The following CNTNAP4 variants were observed in gnomAD, a reference collection of about 807,000 sequenced individuals.
CNTNAP4 encodes contactin-associated protein-like 4.
In CNTNAP4, 98 loss-of-function variants were observed where a neutral mutation model predicts 148.4. That is an observed-to-expected ratio of 0.66 (90% CI 0.56 to 0.78). The LOEUF is 0.78. Ranked by LOEUF, CNTNAP4 falls within the 30% of genes least tolerant of loss-of-function variation. The pLI, the probability that CNTNAP4 is intolerant of heterozygous loss-of-function variation, is 0.00. For synonymous variants in CNTNAP4, 730 were observed against 565.1 expected (o/e 1.29, Z -4.14); for missense variants, 1,935 against 1,565.6 (o/e 1.24, Z -3.98).
intron 11 of CNTNAP4, among the ~76,000 whole-genome samples, chr16:76,477,611 G>A (rs756880616): frequency 6.6e-6 from 1 of 152,158 alleles, no homozygotes; most frequent in Non-Finnish European, 1.5e-5. Context: ...TTCTGGGCAT[G>A]AATTGTGTAT....
intron 9 of CNTNAP4, 40 bp from the exon 10 acceptor site, chr16:76,467,312 T>G (rs759902852): frequency 6.4e-7 from 1 of 1,569,596 alleles, no homozygotes; most frequent in East Asian, 2.2e-5. Flanking sequence ...TGAATTCTGA[T>G]TCATTGTGAT....
chr16:76,311,707 A>G (rs530280614), intron 1 of CNTNAP4, among the ~76,000 whole-genome samples: 14 of 152,174 alleles, frequency 9.2e-5, no homozygotes, highest in Non-Finnish European at 1.9e-4. Context: ...GAAAGAAACA[A>G]TGATGAACTC....
At chr16:76,355,660 C>A (rs887970444) in intron 3 of CNTNAP4, 149 bp downstream of exon 3, 2 of 518,824 alleles carry the variant, frequency 3.9e-6, no homozygotes, top group East Asian at 3.4e-5. Context: ...GGTAAATAAT[C>A]ATTTTCCAAT....
chr16:76,481,192 G>A lies in CNTNAP4; in HGVS notation c.1882+1654G>A, dbSNP rs546276248. The stretch of plus-strand genomic sequence containing the variant: ...GTGCTGGTGGAATTTGTACTTAAAT[G>A]TCAGTAAAAGGAGTATTGATCTCCT... On this transcript the variant is annotated intron_variant, in intron 12 of 23. Transcript: ENST00000611870. Among the ~76,000 whole-genome samples, 7 of 152,298 alleles carry A rather than the reference G, an allele frequency of 4.6e-5. No homozygotes were observed. In the South Asian group the frequency reaches 1.5e-3, roughly 32 times the overall value.
At chr16:76,514,835 A>G (rs1353209265) in intron 15 of CNTNAP4, among the ~76,000 whole-genome samples, 1 of 152,234 alleles carries the variant, frequency 6.6e-6, no homozygotes, top group Non-Finnish European at 1.5e-5. Flanking sequence ...ATTTAATCTT[A>G]GAATTTTATT....
intron 2 of CNTNAP4, among the ~76,000 whole-genome samples, chr16:76,350,390 A>G (rs559208864): frequency 2.6e-5 from 4 of 152,202 alleles, no homozygotes; most frequent in Non-Finnish European, 5.9e-5. Flanking sequence ...ATCTCACTAG[A>G]TAATTTTAAT....
At chr16:76,354,901 G>C (rs942339836) in intron 2 of CNTNAP4, among the ~76,000 whole-genome samples, 8 of 152,126 alleles carry the variant, frequency 5.3e-5, no homozygotes, top group African/African-American at 1.9e-4. Context: ...TAGATTTTTA[G>C]TTCCACCACA....
Position 76,335,471 on chromosome 16 carries a change from C to A in CNTNAP4, c.196+18948C>A, listed in dbSNP as rs147585639. Among the ~76,000 whole-genome samples, 276 of 152,138 alleles carry A rather than the reference C, an allele frequency of 1.8e-3. 1 individual carries two copies. Among genetic ancestry groups the A allele is most frequent in the African/African-American group, 6.3e-3 (260 of 41,496 alleles). On this transcript the variant is annotated intron_variant, in intron 2 of 23. Transcript: ENST00000611870. ...GGGAAGATGAGCAGGCAGAAGGCATCCCTTTTATCCCTTTCCTACTGAGAG... is the reference window on the plus strand; with the variant it reads ...GGGAAGATGAGCAGGCAGAAGGCATACCTTTTATCCCTTTCCTACTGAGAG...
intron 8 of CNTNAP4, among the ~76,000 whole-genome samples, chr16:76,453,836 A>C (rs1251263855): frequency 6.6e-6 from 1 of 152,200 alleles, no homozygotes; most frequent in East Asian, 1.9e-4. Context: ...ATTTTTAAAG[A>C]GATACTATGC....
intron 10 of CNTNAP4, among the ~76,000 whole-genome samples, chr16:76,470,835 TCA>T (rs1474503679): frequency 2.6e-5 from 4 of 152,074 alleles, no homozygotes; most frequent in Non-Finnish European, 5.9e-5. Flanking sequence ...ACATGGCTAT[TCA>T]CACACACTCT....
chr16:76,389,594 C>G (rs2016790027), intron 3 of CNTNAP4, among the ~76,000 whole-genome samples: 1 of 152,142 alleles, frequency 6.6e-6, no homozygotes, highest in East Asian at 1.9e-4. Flanking sequence ...GCAGGGATTA[C>G]AGGAATGTGC....
At chr16:76,556,533 A>G (rs2085206719) in intron 23 of CNTNAP4, among the ~76,000 whole-genome samples, 2 of 152,282 alleles carry the variant, frequency 1.3e-5, no homozygotes, top group South Asian at 4.1e-4. Flanking sequence ...CCAATGTAAC[A>G]TTCATTTTAT....
chr16:76,498,687 G>C lies in CNTNAP4; in HGVS notation c.2358G>C (p.Gln786His). ...AAYKLGPLLC[Q>H]GDRSFWNSAS... ...ATAAACTGGGGCCTCTGCTCTGCCA[G>C]GGAGACAGTAAGTGGTTACAATGTG... Residue 786 changes from glutamine (Q) to histidine (H), a missense_variant, in exon 15 of 24, where the codon CAG becomes CAC. Gln to His is a conservative substitution (Grantham distance 24, BLOSUM62 0). Transcript: ENST00000611870. 2 of 1,604,596 alleles carry C rather than the reference G, an allele frequency of 1.2e-6. No homozygotes were observed. Among genetic ancestry groups the C allele is most frequent in the East Asian group, 2.2e-5 (1 of 44,724 alleles).
chr16:76,379,739 G>C (rs907018257), intron 3 of CNTNAP4, among the ~76,000 whole-genome samples: 3 of 152,164 alleles, frequency 2.0e-5, no homozygotes, highest in Non-Finnish European at 2.9e-5. Flanking sequence ...GTACACATCA[G>C]TTTCAATCAC....
Position 76,453,916 on chromosome 16 carries a change from G to A in CNTNAP4, c.1333+1147G>A, listed in dbSNP as rs184171421. ...TAGACAAAAAGAAATAAATTAATGAGTCTCATATTAATAATTAATAGGCCC... is the reference window on the plus strand; with the variant it reads ...TAGACAAAAAGAAATAAATTAATGAATCTCATATTAATAATTAATAGGCCC... On this transcript the variant is annotated intron_variant, in intron 8 of 23. Coordinates refer to ENST00000611870, the MANE Select transcript of CNTNAP4 (RefSeq NM_033401.5). Among the ~76,000 whole-genome samples, 83 of 152,050 alleles carry A rather than the reference G, an allele frequency of 5.5e-4. 1 individual carries two copies. The highest frequency in any genetic ancestry group is 6.8e-3 in the Middle Eastern group (2 of 294).
chr16:76,558,410 G>A (rs1332937084), intron 23 of CNTNAP4, 80 bp from the exon 24 acceptor site: 1 of 759,284 alleles, frequency 1.3e-6, no homozygotes, highest in Non-Finnish European at 2.2e-6. Flanking sequence ...ATAGTGTTAT[G>A]ATGACTTATT....
At chr16:76,439,649 G>GT (rs1467793828) in intron 4 of CNTNAP4, among the ~76,000 whole-genome samples, 1 of 152,252 alleles carries the variant, frequency 6.6e-6, no homozygotes, top group African/African-American at 2.4e-5. Context: ...GAATGATCAT[G>GT]TTTTTTCCCA....
intron 17 of CNTNAP4, among the ~76,000 whole-genome samples, chr16:76,529,637 T>A (rs1278475350): frequency 6.6e-6 from 1 of 152,216 alleles, no homozygotes; most frequent in Non-Finnish European, 1.5e-5. Context: ...GGGGCTAAAT[T>A]TATTTCAGTA....
chr16:76,543,721 G>A (rs997362287), intron 21 of CNTNAP4, among the ~76,000 whole-genome samples: 1 of 152,302 alleles, frequency 6.6e-6, no homozygotes, highest in South Asian at 2.1e-4. Context: ...AGCCTGTCTT[G>A]GAATGCCTGC....
Sources: allele counts gnomAD v4.1 joint callset (sites outside exome capture counted in the v4.1 genomes callset), GRCh38; gene constraint gnomAD v4.1.1; transcripts MANE v1.5; gene names NCBI Gene and HGNC (gene_info 2026-07-23, HGNC 2026-07-21).